HECW1: variants seen among roughly 807,000 people sequenced by gnomAD.
HECW1 encodes the protein HECT, C2 and WW domain containing E3 ubiquitin protein ligase 1.
A neutral mutation model predicts 182.3 loss-of-function variants in HECW1; 61 were observed. The observed-to-expected ratio is 0.33, with a 90% CI of 0.27 to 0.41. HECW1 has a LOEUF of 0.41. HECW1 is among the 10% of genes least tolerant of loss of function. HECW1 has a pLI of 1.00. For missense variants in HECW1, 1,739 were observed against 2,108.9 expected (o/e 0.82, Z 3.44); for synonymous variants, 859 against 832.6 (o/e 1.03, Z -0.55).
chr7:43,120,620 G>C (rs977020330), intron 2 of HECW1, among the ~76,000 whole-genome samples: 1 of 151,102 alleles, frequency 6.6e-6, no homozygotes, highest in Non-Finnish European at 1.5e-5. Flanking sequence ...CATTATATTG[G>C]ATAAATCCCC....
chr7:43,361,338 A>G (rs558471913), intron 6 of HECW1, among the ~76,000 whole-genome samples: 35 of 152,294 alleles, frequency 2.3e-4, no homozygotes, highest in Admixed American at 1.6e-3. Flanking sequence ...GTTTGGTTTT[A>G]AATATTTATA....
chr7:43,194,293 T>G (rs944859018), intron 2 of HECW1: 1 of 152,198 alleles, frequency 6.6e-6, no homozygotes, highest in Non-Finnish European at 1.5e-5. Context: ...ATTTAATCAC[T>G]AAAACTTAAT....
At chr7:43,252,529 C>T (rs1358537972) in intron 3 of HECW1, among the ~76,000 whole-genome samples, 1 of 152,238 alleles carries the variant, frequency 6.6e-6, no homozygotes, top group Non-Finnish European at 1.5e-5. Flanking sequence ...AACACCCTGG[C>T]TTATACCATG....
chr7:43,177,056 A>G (rs1792328094), intron 2 of HECW1, among the ~76,000 whole-genome samples: 1 of 152,168 alleles, frequency 6.6e-6, no homozygotes, highest in African/African-American at 2.4e-5. Context: ...ACTCCTCTAG[A>G]GTTTCAGGGT....
chr7:43,377,642 T>C (rs1265599564), intron 6 of HECW1: 3 of 198,798 alleles, frequency 1.5e-5, no homozygotes, highest in Non-Finnish European at 2.1e-5. Context: ...GAAATAACAT[T>C]TTTTTTCTCT....
rs376075834 is a variant in HECW1 at position 43,445,076 on chromosome 7, G to T, written c.1904G>T (p.Gly635Val). 3.1e-6 allele frequency: 5 copies of T among 1,599,158 alleles called. No individual in the cohort carries two copies. Among genetic ancestry groups the T allele is most frequent in the East Asian group, 2.2e-5 (1 of 44,652 alleles). ...PGTAHPGHSGGHFPSLANGAA... is the reference protein window; with the variant it reads ...PGTAHPGHSGVHFPSLANGAA... ...ACGGCGCACCCTGGCCACTCCGGGG[G>T]CCACTTCCCCAGCCTGGCCAATGGC... is the stretch of plus-strand genomic sequence containing the variant. Residue 635 changes from glycine (G) to valine (V), a missense_variant, in exon 11 of 30, where the codon GGC (glycine) becomes GTC (valine). This residue lies in a region of HECW1 where 971 missense variants were observed against 1,029.1 expected (regional missense o/e 0.94). Transcript: ENST00000395891.
chr7:43,146,043 G>C (rs530366641), intron 2 of HECW1, among the ~76,000 whole-genome samples: 1 of 152,166 alleles, frequency 6.6e-6, no homozygotes, highest in East Asian at 1.9e-4. Context: ...ACTACCCCGT[G>C]TCTCCTCTTT....
intron 16 of HECW1, among the ~76,000 whole-genome samples, chr7:43,478,695 T>A (rs1016262610): frequency 2.0e-5 from 3 of 151,808 alleles, no homozygotes; most frequent in Admixed American, 6.6e-5. Context: ...AAAATCAAAA[T>A]TTTTTTTGAT....
At chr7:43,340,852 A>G (rs1389292197) in intron 5 of HECW1, among the ~76,000 whole-genome samples, 1 of 151,724 alleles carries the variant, frequency 6.6e-6, no homozygotes, top group African/African-American at 2.4e-5. Flanking sequence ...ATAAAGACAC[A>G]TGCACACGTA....
At chr7:43,530,958 A>G (rs935874414) in intron 24 of HECW1, among the ~76,000 whole-genome samples, 4 of 152,166 alleles carry the variant, frequency 2.6e-5, no homozygotes, top group Non-Finnish European at 4.4e-5. Flanking sequence ...ATGGGTTCTC[A>G]TCGTCTACAG....
At chr7:43,515,112 G>T (rs1428683338) in intron 24 of HECW1, among the ~76,000 whole-genome samples, 1 of 152,164 alleles carries the variant, frequency 6.6e-6, no homozygotes, top group Non-Finnish European at 1.5e-5. Context: ...AGAATAATTG[G>T]CTGGCAGAGA....
At chr7:43,342,900 TCTG>T (rs1393256140) in intron 5 of HECW1, among the ~76,000 whole-genome samples, 2 of 151,358 alleles carry the variant, frequency 1.3e-5, no homozygotes, top group Non-Finnish European at 2.9e-5. Context: ...GTGGCAGGCA[TCTG>T]TAGTCCCAGC....
chr7:43,531,763 A>T (rs2081001125), intron 24 of HECW1, among the ~76,000 whole-genome samples: 1 of 152,074 alleles, frequency 6.6e-6, no homozygotes. Context: ...TTCCTGCACC[A>T]TGCGCTCCAC....
intron 11 of HECW1, among the ~76,000 whole-genome samples, chr7:43,447,057 A>T (rs1379919927): frequency 6.6e-6 from 1 of 152,170 alleles, no homozygotes; most frequent in Non-Finnish European, 1.5e-5. Flanking sequence ...GCTGGCAGGG[A>T]TGTTGGGTTA....
intron 16 of HECW1, among the ~76,000 whole-genome samples, chr7:43,469,926 T>C (rs2077950126): frequency 6.6e-6 from 1 of 152,190 alleles, no homozygotes; most frequent in Admixed American, 6.5e-5. Context: ...AGGGAGCTGA[T>C]GGGGCATCAA....
chr7:43,113,449 C>T (rs1302869999), intron 1 of HECW1, among the ~76,000 whole-genome samples: 1 of 152,206 alleles, frequency 6.6e-6, no homozygotes, highest in Admixed American at 6.5e-5. Context: ...CACGGGCTCG[C>T]CGGTGCTCGC....
At chr7:43,231,280 C>T (rs1050295558) in intron 2 of HECW1, among the ~76,000 whole-genome samples, 12 of 152,218 alleles carry the variant, frequency 7.9e-5, no homozygotes, top group African/African-American at 2.9e-4. Context: ...CCATCACAGC[C>T]CCTTGAATGT....
At chr7:43,166,109 A>C (rs1201034128) in intron 2 of HECW1, among the ~76,000 whole-genome samples, 2 of 152,050 alleles carry the variant, frequency 1.3e-5, no homozygotes, top group Non-Finnish European at 2.9e-5. Flanking sequence ...TTTGAGACAG[A>C]GTTTCACTCT....
intron 21 of HECW1, among the ~76,000 whole-genome samples, chr7:43,503,505 A>C (rs1242922253): frequency 6.6e-6 from 1 of 152,254 alleles, no homozygotes; most frequent in Non-Finnish European, 1.5e-5. Context: ...GTTATTTCCT[A>C]TATGAGAATT....
Sources: allele counts gnomAD v4.1 joint callset (sites outside exome capture counted in the v4.1 genomes callset), GRCh38; gene constraint gnomAD v4.1.1; regional missense constraint gnomAD v4.1.1; transcripts MANE v1.5; gene names NCBI Gene and HGNC (gene_info 2026-07-23, HGNC 2026-07-21).